Variants in BMPR1B observed in about 807,000 individuals in gnomAD.
BMPR1B encodes bone morphogenetic protein receptor type-1B.
A neutral mutation model predicts 59.1 loss-of-function variants in BMPR1B; 12 were observed. That is an observed-to-expected ratio of 0.20 (90% CI 0.13 to 0.33). The LOEUF (loss-of-function observed/expected upper bound fraction) is 0.33. Among genes scored for constraint, BMPR1B ranks in the 10% least tolerant of loss-of-function variants. The pLI is 1.00. For missense variants in BMPR1B, 550 were observed against 610.9 expected (o/e 0.90, Z 1.05); for synonymous variants, 237 against 207.3 (o/e 1.14, Z -1.23).
At chr4:95,095,042 A>G (rs1265719635) in intron 3 of BMPR1B, among the ~76,000 whole-genome samples, 4 of 151,760 alleles carry the variant, frequency 2.6e-5, no homozygotes, top group African/African-American at 9.7e-5. Context: ...GTATATATAT[A>G]TAATTTTTTT....
intron 1 of BMPR1B, among the ~76,000 whole-genome samples, chr4:94,816,387 C>CG (rs1724012319): frequency 1.3e-5 from 2 of 152,012 alleles, no homozygotes; most frequent in Admixed American, 1.3e-4. Context: ...AGGCTGGTCT[C>CG]GAACTCCTGA....
chr4:94,905,468 T>C lies in BMPR1B; in HGVS notation c.-113+29568T>C, dbSNP rs578157204. On this transcript the variant is annotated intron_variant, in intron 2 of 12. Transcript: ENST00000515059. Reference sequence around the variant, plus strand: ...TTAATAACTGAATATTTTTTACAGCTTAATCAGTGAAAAATAATCTATATT... The same window carrying C: ...TTAATAACTGAATATTTTTTACAGCCTAATCAGTGAAAAATAATCTATATT... 5.3e-5 allele frequency among the ~76,000 whole-genome samples: 8 copies of C among 152,168 alleles called. No individual in the cohort carries two copies. In the East Asian group the frequency reaches 1.5e-3, roughly 29 times the overall value.
chr4:94,772,989 A>G (rs1427784297), intron 1 of BMPR1B, among the ~76,000 whole-genome samples: 14 of 152,094 alleles, frequency 9.2e-5, no homozygotes, highest in Admixed American at 9.2e-4. Flanking sequence ...TATAATTCAA[A>G]TCTTCTTTGT....
intron 1 of BMPR1B, among the ~76,000 whole-genome samples, chr4:94,818,193 G>A (rs961677424): frequency 6.6e-6 from 1 of 152,110 alleles, no homozygotes; most frequent in Admixed American, 6.5e-5. Flanking sequence ...GTGGTAAATT[G>A]TGCTTTTAGT....
chr4:95,134,978 G>T (rs1039315070), intron 10 of BMPR1B, among the ~76,000 whole-genome samples: 3 of 152,080 alleles, frequency 2.0e-5, no homozygotes, highest in Non-Finnish European at 4.4e-5. Flanking sequence ...TTTCTTCTGT[G>T]GTTTTTATGG....
In BMPR1B at chr4:94,851,469, C is replaced by T. The variant is rs149895651; in HGVS notation, c.-182-24362C>T. Among the ~76,000 whole-genome samples, 57 of 152,160 alleles carry T rather than the reference C, an allele frequency of 3.7e-4. No homozygotes were observed. The East Asian group carries it at 0.01, about 28-fold the overall frequency. ...AGAGTAAAAGGATAGGATTCAGTGA[C>T]CTATTCCTAACTTCCAAGAAGTTAG... On this transcript the variant is annotated intron_variant, in intron 1 of 12. Transcript: ENST00000515059.
intron 2 of BMPR1B, among the ~76,000 whole-genome samples, chr4:94,923,737 A>G (rs1643511805): frequency 6.6e-6 from 1 of 152,132 alleles, no homozygotes; most frequent in Non-Finnish European, 1.5e-5. Context: ...TAGTGGGAAG[A>G]GAGGGGTGGT....
At chr4:95,053,607 TTAA>T (rs947857898) in intron 3 of BMPR1B, among the ~76,000 whole-genome samples, 15 of 152,108 alleles carry the variant, frequency 9.9e-5, no homozygotes, top group African/African-American at 3.6e-4. Context: ...AGTATCATTA[TTAA>T]TAATTAATTT....
At position 95,145,872 on chromosome 4, in the gene BMPR1B, A is replaced by G. The variant is rs146530490; in HGVS notation, c.1077-2876A>G. On this transcript the variant is annotated intron_variant, in intron 10 of 12. Transcript: ENST00000515059. ...TAGTTTGCTCAACAAAATTCTATTT[A>G]TCCTTCTAGAAATTGGTAAGATCTC... is the stretch of plus-strand genomic sequence containing the variant. Among the ~76,000 whole-genome samples the G allele has an allele frequency of 7.6e-4, 116 of 152,336 alleles. 2 individuals carry two copies. Among genetic ancestry groups the G allele is most frequent in the Non-Finnish European group, 2.2e-4 (15 of 68,038 alleles).
chr4:94,873,514 C>T (rs1726586983), intron 1 of BMPR1B, among the ~76,000 whole-genome samples: 1 of 151,434 alleles, frequency 6.6e-6, no homozygotes, highest in Non-Finnish European at 1.5e-5. Flanking sequence ...TCAAGCGATT[C>T]CCCTGCCACA....
intron 2 of BMPR1B, among the ~76,000 whole-genome samples, chr4:94,973,332 G>A (rs1730886951): frequency 6.6e-6 from 1 of 152,126 alleles, no homozygotes; most frequent in Non-Finnish European, 1.5e-5. Context: ...TGGTGTCCAG[G>A]AAAAATGAAG....
At chr4:95,039,523 C>G (rs1196247794) in intron 3 of BMPR1B, among the ~76,000 whole-genome samples, 1 of 150,904 alleles carries the variant, frequency 6.6e-6, no homozygotes, top group East Asian at 1.9e-4. Flanking sequence ...GTTAGAAAGG[C>G]TTTAATGAGA....
intron 3 of BMPR1B, among the ~76,000 whole-genome samples, chr4:95,097,234 G>C (rs1462246788): frequency 6.6e-6 from 1 of 150,724 alleles, no homozygotes; most frequent in Non-Finnish European, 1.5e-5. Context: ...ATTAGAGAAA[G>C]AGGGAAGAAG....
intron 2 of BMPR1B, among the ~76,000 whole-genome samples, chr4:94,908,957 T>C (rs1226346208): frequency 6.6e-6 from 1 of 152,020 alleles, no homozygotes; most frequent in Non-Finnish European, 1.5e-5. Context: ...AGACCAGAAG[T>C]CTGAAATGAA....
intron 1 of BMPR1B, among the ~76,000 whole-genome samples, chr4:94,815,747 T>G (rs1479589706): frequency 2.0e-5 from 3 of 152,188 alleles, no homozygotes; most frequent in African/African-American, 7.2e-5. Flanking sequence ...CCATAGCCTA[T>G]GTACTTTGGT....
intron 2 of BMPR1B, among the ~76,000 whole-genome samples, chr4:94,911,860 A>G (rs78848851): frequency 0.026 from 4,019 of 152,234 alleles, 80 homozygotes; most frequent in Non-Finnish European, 0.041. Flanking sequence ...GCTAAGGTCA[A>G]TCTAGTTTCT....
chr4:95,137,576 T>C (rs956968576), intron 10 of BMPR1B, among the ~76,000 whole-genome samples: 2 of 152,252 alleles, frequency 1.3e-5, no homozygotes, highest in African/African-American at 2.4e-5. Context: ...GGACTCGCTT[T>C]ATGCATCTGG....
At chr4:94,941,010 A>G (rs1271133406) in intron 2 of BMPR1B, among the ~76,000 whole-genome samples, 1 of 152,174 alleles carries the variant, frequency 6.6e-6, no homozygotes, top group Non-Finnish European at 1.5e-5. Context: ...TGGGAATTTC[A>G]ATGAGGAAGG....
chr4:95,126,621 C>T (rs1403158054), intron 8 of BMPR1B, among the ~76,000 whole-genome samples: 2 of 152,136 alleles, frequency 1.3e-5, no homozygotes, highest in Non-Finnish European at 2.9e-5. Flanking sequence ...ATGATCTGTG[C>T]TCTTAACATT....
Sources: allele counts gnomAD v4.1 joint callset (sites outside exome capture counted in the v4.1 genomes callset), GRCh38; gene constraint gnomAD v4.1.1; transcripts MANE v1.5; gene names NCBI Gene and HGNC (gene_info 2026-07-23, HGNC 2026-07-21).